ZNF83: variants seen among roughly 807,000 people sequenced by gnomAD.
ZNF83 encodes the protein zinc finger protein 83, also known as zinc finger protein 816B.
For missense variants in ZNF83, 552 were observed against 629.9 expected (o/e 0.88, Z 1.32); for synonymous variants, 209 against 213.0 (o/e 0.98, Z 0.17).
At chr19:52,670,130 C>T (rs149305233) in intron 1 of ZNF83, among the ~76,000 whole-genome samples, 3 of 151,976 alleles carry the variant, frequency 2.0e-5, no homozygotes, top group African/African-American at 4.8e-5. Context: ...TCCACCTTGA[C>T]TCATTCTGAT....
intron 3 of ZNF83, among the ~76,000 whole-genome samples, chr19:52,648,212 C>T (rs773592519): frequency 1.6e-4 from 24 of 151,686 alleles, no homozygotes; most frequent in Admixed American, 4.0e-4. Flanking sequence ...CTCTACTTTA[C>T]CATCTGTTAT....
chr19:52,621,927 T>A (rs2060564366), intron 2 of ZNF83, among the ~76,000 whole-genome samples: 1 of 147,072 alleles, frequency 6.8e-6, no homozygotes, highest in Non-Finnish European at 1.5e-5. Flanking sequence ...TAGCTTCTGG[T>A]CCCAATGTGA....
At chr19:52,662,223 A>G (rs1454074856) in intron 1 of ZNF83, among the ~76,000 whole-genome samples, 1 of 152,252 alleles carries the variant, frequency 6.6e-6, no homozygotes, top group Non-Finnish European at 1.5e-5. Context: ...CATTTTAAAA[A>G]TACATGCTGT....
At chr19:52,629,810 C>T (rs1194252749) in intron 2 of ZNF83, among the ~76,000 whole-genome samples, 5 of 151,804 alleles carry the variant, frequency 3.3e-5, no homozygotes, top group East Asian at 1.9e-4. Context: ...CATTTTATTA[C>T]CCAATCTGCT....
Position 52,630,862 on chromosome 19 carries a change from A to G in ZNF83, c.-234+4204T>C, listed in dbSNP as rs150637632. ...TATAAACTCTCCTTACAACTCCCCC[A>G]TTTTACCTGTCCTAAAACCAGATAA... On this transcript the variant is annotated intron_variant, in intron 2 of 2. Transcript: ENST00000301096. Among the ~76,000 whole-genome samples the G allele has an allele frequency of 5.2e-3, 785 of 151,988 alleles. 5 individuals carry two copies. The highest frequency in any genetic ancestry group is 0.017 in the African/African-American group (706 of 41,420).
chr19:52,652,564 T>C (rs2061455797), intron 3 of ZNF83: 1 of 434,628 alleles, frequency 2.3e-6, no homozygotes, highest in Non-Finnish European at 4.6e-6. Context: ...TTTGTAACGT[T>C]TCTTTCCAGT....
exon 3 of ZNF83, chr19:52,613,534 G>C (rs1291115034): frequency 6.2e-7 from 1 of 1,613,962 alleles, no homozygotes; most frequent in African/African-American, 1.3e-5. Flanking sequence ...ACATTTGTAA[G>C]GTTTCTCTCC....
chr19:52,657,850 A>G (rs954314181), intron 2 of ZNF83, among the ~76,000 whole-genome samples: 1 of 151,374 alleles, frequency 6.6e-6, no homozygotes, highest in African/African-American at 2.4e-5. Context: ...TCTGTCTAAA[A>G]AAAAAAACAG....
chr19:52,629,235 T>C (rs1463815933), intron 2 of ZNF83, among the ~76,000 whole-genome samples: 1 of 152,176 alleles, frequency 6.6e-6, no homozygotes, highest in Non-Finnish European at 1.5e-5. Flanking sequence ...TAAATAATTC[T>C]TGTCATAAAA....
intron 2 of ZNF83, among the ~76,000 whole-genome samples, chr19:52,618,289 C>T (rs1215504531): frequency 6.7e-6 from 1 of 149,990 alleles, no homozygotes; most frequent in African/African-American, 2.5e-5. Flanking sequence ...TGAGATGGAG[C>T]CTGGCTGTCT....
intron 1 of ZNF83, among the ~76,000 whole-genome samples, chr19:52,676,250 C>T (rs1031262281): frequency 6.6e-6 from 1 of 152,170 alleles, no homozygotes; most frequent in South Asian, 2.1e-4. Context: ...CCCGAGGTGC[C>T]GGGATTGCAG....
chr19:52,674,885 A>G (rs929552112), intron 1 of ZNF83, among the ~76,000 whole-genome samples: 6 of 152,328 alleles, frequency 3.9e-5, no homozygotes, highest in Non-Finnish European at 7.4e-5. Flanking sequence ...TTTTTGTCAA[A>G]GAAACAAAAA....
At chr19:52,684,919 C>T (rs77272169) in intron 1 of ZNF83, among the ~76,000 whole-genome samples, 1 of 152,232 alleles carries the variant, frequency 6.6e-6, no homozygotes, top group Middle Eastern at 3.4e-3. Context: ...GGGCTTTTGT[C>T]CTGGGGAACA....
In ZNF83 at chr19:52,613,965, G is replaced by A. The variant is rs150432044; in HGVS notation, c.600C>T (p.Thr200=). Residue 200 remains threonine, a synonymous_variant, in exon 3 of 3, where the codon ACC becomes ACT. Transcript: ENST00000301096. Reference sequence around the variant, plus strand: ...CATTACATTTATAAGGTTTCTCTCCGGTATGAATTCTTTGATGTTGTGCAA... The same window carrying A: ...CATTACATTTATAAGGTTTCTCTCCAGTATGAATTCTTTGATGTTGTGCAA... 1,103 of 1,610,206 alleles carry A rather than the reference G, an allele frequency of 6.9e-4. 5 individuals carry two copies. In the African/African-American group the frequency reaches 8.6e-3, roughly 13 times the overall value.
intron 1 of ZNF83, among the ~76,000 whole-genome samples, chr19:52,683,663 G>C (rs1487569351): frequency 6.6e-6 from 1 of 152,306 alleles, no homozygotes; most frequent in Non-Finnish European, 1.5e-5. Flanking sequence ...TGAAGATGCA[G>C]GGTCTGGTCT....
Position 52,613,289 on chromosome 19 carries a change from C to A in ZNF83, c.1276G>T (p.Glu426Ter). ...CATTCATTACATTTATAAGCTTTTTCTCCAGTATGAATTCTCCAATGATAT... is the reference window on the plus strand; with the variant it reads ...CATTCATTACATTTATAAGCTTTTTATCCAGTATGAATTCTCCAATGATAT... Residue 426 changes from glutamate (E) to a stop codon, truncating the protein, a stop_gained, in exon 3 of 3, where the codon GAA becomes TAA. Coordinates refer to ENST00000301096, the Ensembl canonical transcript of ZNF83. LOFTEE classifies it low-confidence loss of function (END_TRUNC). The A allele has an allele frequency of 6.2e-7, 1 of 1,614,072 alleles. No individual in the cohort carries two copies.
intron 2 of ZNF83, among the ~76,000 whole-genome samples, chr19:52,621,043 G>A (rs1600154336): frequency 6.6e-6 from 1 of 152,148 alleles, no homozygotes; most frequent in African/African-American, 2.4e-5. Flanking sequence ...CCTGCACCCA[G>A]GTAAAATAAA....
At chr19:52,653,921 G>T in intron 3 of ZNF83, 1 of 1,029,888 alleles carries the variant, frequency 9.7e-7, no homozygotes, top group Non-Finnish European at 1.5e-6. Flanking sequence ...TCTCTCATGT[G>T]TTCTTCCTGG....
intron 3 of ZNF83, among the ~76,000 whole-genome samples, chr19:52,649,303 T>C (rs755694038): frequency 4.3e-4 from 66 of 152,276 alleles, no homozygotes; most frequent in Non-Finnish European, 7.6e-4. Context: ...GGCTGGTGGC[T>C]TTGCAGCTTT....
Sources: allele counts gnomAD v4.1 joint callset (sites outside exome capture counted in the v4.1 genomes callset), GRCh38; gene constraint gnomAD v4.1.1; transcripts MANE v1.5; gene names NCBI Gene and HGNC (gene_info 2026-07-23, HGNC 2026-07-21).